DNAH14: variants seen among roughly 807,000 people sequenced by gnomAD.
DNAH14 encodes dynein axonemal heavy chain 14.
A neutral mutation model predicts 520.9 loss-of-function variants in DNAH14; 478 were observed. That is an observed-to-expected ratio of 0.92 (90% CI 0.85 to 0.99). The LOEUF is 0.99. Ranked by LOEUF, DNAH14 falls within the 50% of genes least tolerant of loss-of-function variation. The pLI, the probability that DNAH14 is intolerant of heterozygous loss-of-function variation, is 0.00. For missense variants in DNAH14, 4,831 were observed against 5,234.5 expected (o/e 0.92, Z 2.38); for synonymous variants, 1,581 against 1,757.2 (o/e 0.90, Z 2.51).
At chr1:225,059,595 T>C (rs1258338649) in intron 17 of DNAH14, among the ~76,000 whole-genome samples, 3 of 152,264 alleles carry the variant, frequency 2.0e-5, no homozygotes, top group Non-Finnish European at 4.4e-5. Flanking sequence ...ATTTTGCTCT[T>C]TAGTTGATGC....
chr1:225,118,093 A>C, intron 25 of DNAH14, 94 bp downstream of exon 25: 1 of 925,870 alleles, frequency 1.1e-6, no homozygotes, highest in Non-Finnish European at 1.7e-6. Flanking sequence ...AAAGTGCGCT[A>C]AGCAAACTGT....
intron 55 of DNAH14, among the ~76,000 whole-genome samples, chr1:225,292,174 C>T (rs531345116): frequency 6.6e-6 from 1 of 152,064 alleles, no homozygotes; most frequent in South Asian, 2.1e-4. Context: ...AATTCTTTTC[C>T]AAGACCAATG....
In DNAH14 at chr1:225,377,353, C is replaced by T. The variant is rs763079824; in HGVS notation, c.12633C>T (p.Ser4211=). 91 of 1,550,962 alleles carry T rather than the reference C, an allele frequency of 5.9e-5. No homozygotes were observed. The highest frequency in any genetic ancestry group is 7.9e-5 in the Admixed American group (4 of 50,886). The change falls in exon 79 of 86, where the codon AGC becomes AGT. Residue 4211 remains serine, a synonymous_variant. Transcript: ENST00000682510. ...GAATACACCCAGAGGCCATCAGGAG[C>T]TGCTGGGAGACCCAGGGCGAAAAGT... The part of the protein sequence containing the change: ...VLGIHPEAIR[S]CWETQGEKFI...
intron 66 of DNAH14, among the ~76,000 whole-genome samples, chr1:225,335,203 A>G (rs1558424479): frequency 1.4e-5 from 2 of 142,460 alleles, no homozygotes; most frequent in Admixed American, 6.9e-5. Flanking sequence ...ATATGCACAC[A>G]CGTACATGTG....
chr1:225,079,669 A>ATTT (rs1216828705), intron 18 of DNAH14, 121 bp downstream of exon 18: 50 of 353,676 alleles, frequency 1.4e-4, no homozygotes, highest in South Asian at 3.6e-4. Flanking sequence ...TAATACAAGT[A>ATTT]TTCTTTTTTT....
At chr1:225,097,336 C>T in intron 22 of DNAH14, 97 bp downstream of exon 22, 1 of 1,180,554 alleles carries the variant, frequency 8.5e-7, no homozygotes, top group South Asian at 1.9e-5. Flanking sequence ...AATGAACAAA[C>T]TATCTTATCC....
rs1348336750 is a variant in DNAH14, at chr1:224,999,214, T to C, written c.831-3569T>C. 4.6e-5 allele frequency among the ~76,000 whole-genome samples: 7 copies of C among 152,176 alleles called. No homozygotes were observed. In the East Asian group the frequency reaches 1.3e-3, roughly 29 times the overall value. On this transcript the variant is annotated intron_variant, in intron 8 of 85. Transcript: ENST00000682510. ...TTTTTTTGTTTGTTTTTTTGTTTTG[T>C]TTTGTTTTTGAGATGGAATTTCACT...
At position 225,079,307 on chromosome 1, in the gene DNAH14, C is replaced by G. The variant is rs878972187; in HGVS notation, c.2525C>G (p.Ser842Cys). 6.5e-7 allele frequency: 1 copy of G among 1,549,346 alleles called. No homozygotes were observed. The highest frequency in any genetic ancestry group is 8.7e-7 in the Non-Finnish European group (1 of 1,146,460). ...TTGAATGCAATTTCCTCAAAAATAT[C>G]TAAATTAGAAAAAGAGTTCTTAACA... ...IFLNAISSKISKLEKEFLTMS... is the reference protein window; with the variant it reads ...IFLNAISSKICKLEKEFLTMS... Residue 842 changes from serine (S) to cysteine (C), a missense_variant, in exon 18 of 86, where the codon TCT becomes TGT. Coordinates refer to ENST00000682510, the MANE Select transcript of DNAH14 (RefSeq NM_001367479.1).
At chr1:225,167,407 A>T (rs1542571) in intron 35 of DNAH14, among the ~76,000 whole-genome samples, 16,982 of 152,244 alleles carry the variant, frequency 0.11, 1,482 homozygotes, top group East Asian at 0.23. Flanking sequence ...TGGTTAAAAT[A>T]TTAAGTATCT....
At chr1:224,950,993 A>G (rs900963842) in intron 1 of DNAH14, among the ~76,000 whole-genome samples, 2 of 152,026 alleles carry the variant, frequency 1.3e-5, no homozygotes, top group South Asian at 2.1e-4. Flanking sequence ...TTGCCTTTTG[A>G]CTCACAAAGT....
intron 7 of DNAH14, among the ~76,000 whole-genome samples, chr1:224,973,017 G>T (rs2125638745): frequency 6.6e-6 from 1 of 152,216 alleles, no homozygotes; most frequent in South Asian, 2.1e-4. Context: ...GATTTTCAGG[G>T]ATCTTCTAGG....
chr1:225,354,760 T>C (rs1170396033), intron 73 of DNAH14, among the ~76,000 whole-genome samples: 1 of 152,170 alleles, frequency 6.6e-6, no homozygotes, highest in African/African-American at 2.4e-5. Context: ...CTCCCTAATT[T>C]AGTGAAGGGA....
At chr1:225,126,686 G>GT (rs1286428531) in intron 27 of DNAH14, among the ~76,000 whole-genome samples, 3 of 152,048 alleles carry the variant, frequency 2.0e-5, no homozygotes, top group African/African-American at 7.2e-5. Flanking sequence ...TTTTTGAAGG[G>GT]TTTTTTATGT....
chr1:225,159,992 C>T (rs2081375293), intron 35 of DNAH14, among the ~76,000 whole-genome samples: 1 of 152,152 alleles, frequency 6.6e-6, no homozygotes, highest in Non-Finnish European at 1.5e-5. Context: ...CTACCACACC[C>T]TGCATTCCAG....
At chr1:225,104,021 T>G (rs2075782109) in intron 23 of DNAH14, among the ~76,000 whole-genome samples, 1 of 152,104 alleles carries the variant, frequency 6.6e-6, no homozygotes, top group Non-Finnish European at 1.5e-5. Flanking sequence ...GATAGTGGCG[T>G]GGGTTTGTCA....
chr1:225,009,288 G>A (rs1241109484), intron 10 of DNAH14, among the ~76,000 whole-genome samples: 1 of 152,170 alleles, frequency 6.6e-6, no homozygotes, highest in East Asian at 1.9e-4. Context: ...TGTATAAGGT[G>A]TAAGGAAGGG....
At chr1:224,939,899 A>G (rs2059299886) in intron 1 of DNAH14, among the ~76,000 whole-genome samples, 3 of 152,112 alleles carry the variant, frequency 2.0e-5, no homozygotes, top group African/African-American at 7.2e-5. Flanking sequence ...ATGGAGGTGG[A>G]TGAATCATTT....
chr1:225,262,251 C>A (rs907999735), intron 46 of DNAH14, among the ~76,000 whole-genome samples: 26 of 151,386 alleles, frequency 1.7e-4, no homozygotes, highest in Non-Finnish European at 3.2e-4. Flanking sequence ...AGTCCTTTGT[C>A]AGATGCATAG....
rs1210550631 is a variant in DNAH14 at position 225,044,766 on chromosome 1, G to C, written c.1912+783G>C. Among the ~76,000 whole-genome samples the C allele has an allele frequency of 2.0e-5, 3 of 152,088 alleles. 1 individual carries two copies. The South Asian group carries it at 6.2e-4, about 32-fold the overall frequency. The stretch of plus-strand genomic sequence containing the variant: ...TAAAACCAAGAATTATCACAAAGTT[G>C]TTATAATTTTTTACCCAGTCCATTT... On this transcript the variant is annotated intron_variant, in intron 15 of 85. Coordinates refer to ENST00000682510, the MANE Select transcript of DNAH14 (RefSeq NM_001367479.1).
Sources: allele counts gnomAD v4.1 joint callset (sites outside exome capture counted in the v4.1 genomes callset), GRCh38; gene constraint gnomAD v4.1.1; transcripts MANE v1.5; gene names NCBI Gene and HGNC (gene_info 2026-07-23, HGNC 2026-07-21).